Variants in CENPW observed in about 807,000 individuals in gnomAD.
CENPW encodes the protein cancer-up-regulated gene 2 protein.
Under a neutral mutation model 11.1 loss-of-function variants are expected in CENPW, and 3 were observed. The observed-to-expected ratio is 0.27, with a 90% CI of 0.12 to 0.70. The LOEUF (loss-of-function observed/expected upper bound fraction) is 0.70. Ranked by LOEUF, CENPW falls within the 30% of genes least tolerant of loss-of-function variation. The pLI is 0.77. For missense variants in CENPW, 100 were observed against 105.6 expected, an observed-to-expected ratio of 0.95 and a Z score of 0.23; for synonymous variants, 38 against 42.0, an observed-to-expected ratio of 0.91 and a Z score of 0.37.
At chr6:126,418,086 T>A in the CENPW span, among the ~76,000 whole-genome samples, 1 of 152,128 alleles carries the variant, frequency 6.6e-6, no homozygotes, top group Non-Finnish European at 1.5e-5. Flanking sequence ...ATAAAAAAGA[T>A]AGACAATACC....
the CENPW span, among the ~76,000 whole-genome samples, chr6:126,431,275 A>C: frequency 6.6e-6 from 1 of 152,204 alleles, no homozygotes; most frequent in Non-Finnish European, 1.5e-5. Flanking sequence ...CTCTGACCCC[A>C]GTGCGTTTTT....
chr6:126,466,645 G>A, the CENPW span, among the ~76,000 whole-genome samples: 15 of 152,146 alleles, frequency 9.9e-5, no homozygotes, highest in Middle Eastern at 3.4e-3. Flanking sequence ...TGTTGTGTGT[G>A]CATCCATATA....
the CENPW span, among the ~76,000 whole-genome samples, chr6:126,431,014 T>C: frequency 6.6e-6 from 1 of 152,140 alleles, no homozygotes; most frequent in Non-Finnish European, 1.5e-5. Flanking sequence ...AAACACCATA[T>C]TTTTACTTCA....
At chr6:126,440,431 A>G in the CENPW span, among the ~76,000 whole-genome samples, 4 of 151,750 alleles carry the variant, frequency 2.6e-5, no homozygotes, top group Non-Finnish European at 5.9e-5. Flanking sequence ...TAATTTAGTA[A>G]CATTTATGTT....
chr6:126,416,228 C>T, the CENPW span, among the ~76,000 whole-genome samples: 33 of 152,122 alleles, frequency 2.2e-4, no homozygotes, highest in African/African-American at 7.2e-5. Context: ...ATTTATGGAA[C>T]GTTGAAATTG....
At chr6:126,360,721 A>G in the CENPW span, among the ~76,000 whole-genome samples, 1 of 150,704 alleles carries the variant, frequency 6.6e-6, no homozygotes, top group Non-Finnish European at 1.5e-5. Context: ...TGCTGCTACT[A>G]CTTTCTATTG....
the CENPW span, among the ~76,000 whole-genome samples, chr6:126,364,417 T>C: frequency 6.6e-6 from 1 of 152,188 alleles, no homozygotes; most frequent in Non-Finnish European, 1.5e-5. Context: ...AAGGTTTTTC[T>C]TCAGATAAGT....
the CENPW span, among the ~76,000 whole-genome samples, chr6:126,451,208 T>G: frequency 6.6e-6 from 1 of 151,018 alleles, no homozygotes; most frequent in South Asian, 2.1e-4. Flanking sequence ...TGGGGCAGAA[T>G]AGAGTAGGCA....
the CENPW span, among the ~76,000 whole-genome samples, chr6:126,367,265 T>C: frequency 6.6e-6 from 1 of 152,120 alleles, no homozygotes; most frequent in South Asian, 2.1e-4. Flanking sequence ...GTAGTGAAGT[T>C]TGGGTTTTAA....
chr6:126,351,959 A>C (rs896412735), downstream of CENPW, among the ~76,000 whole-genome samples: 2 of 152,092 alleles, frequency 1.3e-5, no homozygotes, highest in Non-Finnish European at 2.9e-5. Flanking sequence ...AAGCTTTACT[A>C]AGCTTCAAAA....
chr6:126,390,592 C>A, the CENPW span, among the ~76,000 whole-genome samples: 1 of 151,658 alleles, frequency 6.6e-6, no homozygotes. Flanking sequence ...GTCCATTAAT[C>A]ATCCCCACTT....
At chr6:126,468,100 A>G in the CENPW span, among the ~76,000 whole-genome samples, 6 of 152,140 alleles carry the variant, frequency 3.9e-5, no homozygotes, top group African/African-American at 1.4e-4. Flanking sequence ...AGTGGAGCCT[A>G]AAGAGATAGG....
At chr6:126,468,490 TC>T in the CENPW span, among the ~76,000 whole-genome samples, 1 of 134,734 alleles carries the variant, frequency 7.4e-6, no homozygotes, top group Admixed American at 7.4e-5. Context: ...TTAAATAGAA[TC>T]CTGAAACAGA....
the CENPW span, among the ~76,000 whole-genome samples, chr6:126,372,863 G>T: frequency 6.6e-6 from 1 of 152,170 alleles, no homozygotes; most frequent in African/African-American, 2.4e-5. Flanking sequence ...CCTCTAAAGT[G>T]CTTTGGGATA....
chr6:126,380,152 C>T, the CENPW span, among the ~76,000 whole-genome samples: 1 of 152,094 alleles, frequency 6.6e-6, no homozygotes, highest in African/African-American at 2.4e-5. Flanking sequence ...GATTTAAGCT[C>T]GGGAGCAGAA....
the CENPW span, among the ~76,000 whole-genome samples, chr6:126,423,464 A>AT: frequency 6.6e-6 from 1 of 152,156 alleles, no homozygotes; most frequent in Non-Finnish European, 1.5e-5. Context: ...ATTCAACAGC[A>AT]TTTTTTAGGC....
downstream of CENPW, among the ~76,000 whole-genome samples, chr6:126,350,609 T>C (rs2128290358): frequency 6.6e-6 from 1 of 152,306 alleles, no homozygotes; most frequent in East Asian, 1.9e-4. Context: ...TGAACATATT[T>C]TCGTGTGCTT....
At chr6:126,442,797 A>T in the CENPW span, among the ~76,000 whole-genome samples, 1 of 151,346 alleles carries the variant, frequency 6.6e-6, no homozygotes. Context: ...ACATCTATGG[A>T]ACAGACTAAT....
chr6:126,467,298 T>C, the CENPW span, among the ~76,000 whole-genome samples: 6 of 152,230 alleles, frequency 3.9e-5, no homozygotes, highest in East Asian at 1.2e-3. Context: ...ACCAGATACA[T>C]AGACCAATGG....
Sources: allele counts gnomAD v4.1 joint callset (sites outside exome capture counted in the v4.1 genomes callset), GRCh38; gene constraint gnomAD v4.1.1; transcripts MANE v1.5; gene names NCBI Gene and HGNC (gene_info 2026-07-23, HGNC 2026-07-21).